Variants in ATP6V1H observed in about 807,000 individuals in gnomAD.
ATP6V1H encodes V-type proton ATPase subunit H.
Under a neutral mutation model 71.7 loss-of-function variants are expected in ATP6V1H, and 39 were observed. The observed-to-expected ratio is 0.54, with a 90% CI of 0.42 to 0.71. The LOEUF is 0.71. Ranked by LOEUF, ATP6V1H falls within the 30% of genes least tolerant of loss-of-function variation. The pLI, the probability that ATP6V1H is intolerant of heterozygous loss-of-function variation, is 0.00. For synonymous variants in ATP6V1H, 192 were observed against 199.3 expected, an observed-to-expected ratio of 0.96 and a Z score of 0.31; for missense variants, 509 against 594.9, an observed-to-expected ratio of 0.86 and a Z score of 1.50.
chr8:53,781,330 A>C (rs980611238), intron 9 of ATP6V1H, among the ~76,000 whole-genome samples: 56 of 152,198 alleles, frequency 3.7e-4, no homozygotes, highest in Non-Finnish European at 6.6e-4. Context: ...ATGGCTGCAT[A>C]AATGTCTTCT....
intron 9 of ATP6V1H, among the ~76,000 whole-genome samples, chr8:53,775,948 G>A (rs530294644): frequency 3.9e-5 from 6 of 152,362 alleles, no homozygotes; most frequent in East Asian, 1.9e-4. Context: ...CGTGGAGCAG[G>A]GGGCGGTGCT....
chr8:53,817,758 A>G (rs945948156), intron 4 of ATP6V1H, among the ~76,000 whole-genome samples: 6 of 152,130 alleles, frequency 3.9e-5, no homozygotes, highest in African/African-American at 1.4e-4. Flanking sequence ...TTTAAATCAC[A>G]AAGTGTAAGA....
chr8:53,720,922 A>G (rs1806589410), intron 13 of ATP6V1H, among the ~76,000 whole-genome samples: 1 of 152,302 alleles, frequency 6.6e-6, no homozygotes, highest in Non-Finnish European at 1.5e-5. Flanking sequence ...TTGGAATTCT[A>G]TAGCCTACTT....
chr8:53,743,732 T>C (rs1028612275), intron 12 of ATP6V1H, 42 bp from the exon 13 acceptor site: 1 of 1,413,324 alleles, frequency 7.1e-7, no homozygotes, highest in Non-Finnish European at 9.9e-7. Context: ...GCAATTACTC[T>C]CAAATTCACA....
chr8:53,800,254 G>A (rs909788653), intron 8 of ATP6V1H, among the ~76,000 whole-genome samples: 10 of 152,242 alleles, frequency 6.6e-5, no homozygotes, highest in Admixed American at 3.3e-4. Flanking sequence ...ACAGCTGTGC[G>A]TCCTCACTGT....
chr8:53,732,290 C>T (rs908453054), intron 13 of ATP6V1H, among the ~76,000 whole-genome samples: 3 of 152,052 alleles, frequency 2.0e-5, no homozygotes, highest in African/African-American at 2.4e-5. Flanking sequence ...AGTAAGCCCA[C>T]CCTGCTAGGA....
At chr8:53,763,844 G>A (rs957657440) in intron 11 of ATP6V1H, among the ~76,000 whole-genome samples, 3 of 152,216 alleles carry the variant, frequency 2.0e-5, no homozygotes, top group Non-Finnish European at 2.9e-5. Context: ...AGAAACTGCT[G>A]TTGGATCTAT....
intron 7 of ATP6V1H, among the ~76,000 whole-genome samples, chr8:53,805,322 C>T (rs1391519901): frequency 2.0e-5 from 3 of 152,176 alleles, no homozygotes; most frequent in African/African-American, 7.2e-5. Context: ...ACTTTTCAAA[C>T]ATACAATTGA....
chr8:53,783,365 A>G (rs763624064), intron 9 of ATP6V1H, among the ~76,000 whole-genome samples: 52 of 152,092 alleles, frequency 3.4e-4, no homozygotes, highest in Non-Finnish European at 6.6e-4. Context: ...GGTAGTTTGT[A>G]TTTCTGTGGG....
intron 9 of ATP6V1H, among the ~76,000 whole-genome samples, chr8:53,782,418 T>C (rs1809182904): frequency 6.6e-6 from 1 of 152,048 alleles, no homozygotes; most frequent in Non-Finnish European, 1.5e-5. Flanking sequence ...CTGAAGTTGC[T>C]TATCAGCTTA....
intron 9 of ATP6V1H, among the ~76,000 whole-genome samples, chr8:53,792,351 C>T (rs1320527335): frequency 3.9e-5 from 6 of 152,156 alleles, no homozygotes; most frequent in South Asian, 2.1e-4. Flanking sequence ...AATAGCTGGT[C>T]GGTGTTTATC....
intron 11 of ATP6V1H, among the ~76,000 whole-genome samples, chr8:53,766,537 T>C (rs1934922214): frequency 1.3e-5 from 2 of 152,242 alleles, no homozygotes; most frequent in African/African-American, 2.4e-5. Context: ...CTCTGACCAC[T>C]GGTGAGCAGG....
At chr8:53,741,903 C>A (rs148244527) in intron 13 of ATP6V1H, among the ~76,000 whole-genome samples, 1 of 152,210 alleles carries the variant, frequency 6.6e-6, no homozygotes, top group Non-Finnish European at 1.5e-5. Context: ...AAGCCACCAA[C>A]TACCTCAGCC....
At chr8:53,781,013 G>A (rs544842556) in intron 9 of ATP6V1H, among the ~76,000 whole-genome samples, 18 of 152,314 alleles carry the variant, frequency 1.2e-4, no homozygotes, top group African/African-American at 4.3e-4. Flanking sequence ...GTGTGCATGT[G>A]TCTTTATAGC....
intron 11 of ATP6V1H, among the ~76,000 whole-genome samples, chr8:53,767,095 TTC>T (rs912027743): frequency 2.0e-5 from 3 of 152,168 alleles, no homozygotes; most frequent in Non-Finnish European, 4.4e-5. Context: ...GCTTTAAAAT[TTC>T]TCTCTTTTGT....
intron 13 of ATP6V1H, among the ~76,000 whole-genome samples, chr8:53,729,443 C>G (rs574022850): frequency 3.3e-5 from 5 of 152,214 alleles, no homozygotes; most frequent in Admixed American, 3.3e-4. Context: ...AGCCAGTCCC[C>G]CAACGTGCAA....
intron 13 of ATP6V1H, chr8:53,739,494 G>A (rs557072670): frequency 1.3e-5 from 2 of 152,120 alleles, no homozygotes; most frequent in Admixed American, 1.3e-4. Flanking sequence ...GCTTAAGAAA[G>A]GGCTGAACAA....
At chr8:53,829,954 C>T (rs1053956084) in intron 3 of ATP6V1H, among the ~76,000 whole-genome samples, 3 of 152,194 alleles carry the variant, frequency 2.0e-5, no homozygotes, top group Admixed American at 1.3e-4. Context: ...CTCCATTCTA[C>T]AGTGTATCAA....
chr8:53,754,230 C>A (rs968383239), intron 12 of ATP6V1H, among the ~76,000 whole-genome samples: 2 of 151,986 alleles, frequency 1.3e-5, no homozygotes, highest in African/African-American at 4.8e-5. Context: ...TATTGGGAAA[C>A]AAAGAAAAAA....
Sources: gnomAD v4.1 joint callset for allele counts (sites outside exome capture counted in the v4.1 genomes callset) on GRCh38, gnomAD v4.1.1 for gene constraint, MANE v1.5 for transcripts, NCBI Gene and HGNC (gene_info 2026-07-23, HGNC 2026-07-21) for gene names.